The following LIPI variants were observed in gnomAD, a reference collection of about 807,000 sequenced individuals.
LIPI encodes lipase member I.
LIPI carries 59 observed loss-of-function variants against 50.6 expected under a neutral mutation model. That is an observed-to-expected ratio of 1.16 (90% CI 0.94 to 1.45). The LOEUF is 1.45. Ranked by LOEUF, LIPI falls within the 40% of genes most tolerant of loss-of-function variation. The pLI is 0.00. For synonymous variants in LIPI, 203 were observed against 178.2 expected, an observed-to-expected ratio of 1.14 and a Z score of -1.11; for missense variants, 586 against 536.3, an observed-to-expected ratio of 1.09 and a Z score of -0.92.
At chr21:14,152,488 C>T in intron 8 of LIPI, 85 bp downstream of exon 8, 2 of 687,726 alleles carry the variant, frequency 2.9e-6, no homozygotes, top group Admixed American at 2.6e-5. Flanking sequence ...AAATAAACTA[C>T]ACTATTTAAA....
chr21:14,146,272 A>G (rs1446405001), intron 8 of LIPI, among the ~76,000 whole-genome samples: 1 of 151,436 alleles, frequency 6.6e-6, no homozygotes, highest in Admixed American at 6.6e-5. Flanking sequence ...ATCTTCTCCA[A>G]CACTTTCTCC....
At chr21:14,167,301 A>C (rs2018724706) in intron 4 of LIPI, among the ~76,000 whole-genome samples, 1 of 152,158 alleles carries the variant, frequency 6.6e-6, no homozygotes, top group African/African-American at 2.4e-5. Context: ...GACAAACAAA[A>C]AGACAGCAGT....
chr21:14,118,237 CATT>C (rs910438762), intron 9 of LIPI, among the ~76,000 whole-genome samples: 1 of 152,060 alleles, frequency 6.6e-6, no homozygotes, highest in African/African-American at 2.4e-5. Flanking sequence ...GGCTCCATCT[CATT>C]AGGCCCCAAG....
At chr21:14,120,815 A>C (rs980750650) in intron 9 of LIPI, among the ~76,000 whole-genome samples, 2 of 148,270 alleles carry the variant, frequency 1.3e-5, no homozygotes, top group African/African-American at 4.9e-5. Flanking sequence ...CAGTTTCACC[A>C]AGGAACACAC....
At chr21:14,157,827 T>A (rs1345670639) in intron 7 of LIPI, among the ~76,000 whole-genome samples, 2 of 151,882 alleles carry the variant, frequency 1.3e-5, no homozygotes, top group South Asian at 4.1e-4. Context: ...TTGCATGGAG[T>A]GTTGACTCTA....
In LIPI at chr21:14,152,674, A is replaced by T; in HGVS notation, c.1017T>A (p.Phe339Leu). ...SGTYPFCTYYFVLSIIVPDKT... is the reference protein window; with the variant it reads ...SGTYPFCTYYLVLSIIVPDKT... ...TATCTGGAACAATTATACTGAGAACAAAATAATAGGCTACAAAATAAAAAT... is the reference window on the plus strand; with the variant it reads ...TATCTGGAACAATTATACTGAGAACTAAATAATAGGCTACAAAATAAAAAT... The change falls in exon 8 of 10, where the codon TTT (phenylalanine) becomes TTA (leucine). Residue 339 changes from phenylalanine to leucine, a missense_variant. By Grantham distance (22) the Phe-to-Leu change is conservative. Transcript: ENST00000681601. 1 of 1,455,510 alleles carries T rather than the reference A, an allele frequency of 6.9e-7. No homozygotes were observed. Among genetic ancestry groups the T allele is most frequent in the Non-Finnish European group, 9.6e-7 (1 of 1,040,682 alleles). 90.2% of individuals were successfully genotyped at this position (1,455,510 alleles called of 1,614,324 possible). A position where few individuals can be genotyped will look rare whatever the true frequency, so the allele number is the denominator to read the frequency against.
chr21:14,156,194 G>C (rs2018264776), intron 7 of LIPI, among the ~76,000 whole-genome samples: 1 of 151,788 alleles, frequency 6.6e-6, no homozygotes, highest in African/African-American at 2.4e-5. Context: ...ATATAGCAAA[G>C]GATAATTAAG....
chr21:14,169,017 G>T (rs1362271261), intron 4 of LIPI, among the ~76,000 whole-genome samples: 3 of 151,774 alleles, frequency 2.0e-5, no homozygotes, highest in Non-Finnish European at 2.9e-5. Context: ...GATGGAGGAA[G>T]ATCTACCAAG....
rs567978642 is a variant in LIPI at position 14,139,675 on chromosome 21, G to A, written c.1295+4948C>T. Among the ~76,000 whole-genome samples, 6 of 152,234 alleles carry A rather than the reference G, an allele frequency of 3.9e-5. No homozygotes were observed. The South Asian group carries it at 1.2e-3, about 32-fold the overall frequency. On this transcript the variant is annotated intron_variant, in intron 9 of 9. Coordinates refer to ENST00000681601, the MANE Select transcript of LIPI (RefSeq NM_001302998.2). ...CCTACGAGAACAACAAAAAATTCCA[G>A]GTAAGAGGATTGATAGTGGAAGAGC...
At chr21:14,149,567 G>T (rs9976076) in intron 8 of LIPI, among the ~76,000 whole-genome samples, 3,186 of 152,170 alleles carry the variant, frequency 0.021, 116 homozygotes, top group African/African-American at 0.072. Context: ...TTGAGACAAG[G>T]TTAGTCCCTT....
At chr21:14,130,120 C>T (rs2017231050) in intron 9 of LIPI, among the ~76,000 whole-genome samples, 1 of 152,184 alleles carries the variant, frequency 6.6e-6, no homozygotes, top group East Asian at 1.9e-4. Flanking sequence ...AGACACTCTT[C>T]AGAGTTCTAG....
In LIPI at chr21:14,160,056, G is replaced by A. The variant is rs79225078; in HGVS notation, c.1006+3363C>T. On this transcript the variant is annotated intron_variant, in intron 7 of 9. Coordinates refer to ENST00000681601, the MANE Select transcript of LIPI (RefSeq NM_001302998.2). ...CATGGTAAAGACATCAGCTCTCCCC[G>A]AATTGAAAGATGTGGTTAATGTAAT... 8.3e-3 allele frequency among the ~76,000 whole-genome samples: 1,260 copies of A among 151,366 alleles called. 12 individuals are homozygous for A. The highest frequency in any genetic ancestry group is 0.028 in the African/African-American group (1,166 of 41,444).
chr21:14,140,024 A>T (rs1446568679), intron 9 of LIPI, among the ~76,000 whole-genome samples: 1 of 152,156 alleles, frequency 6.6e-6, no homozygotes, highest in East Asian at 1.9e-4. Context: ...TTTTATATGA[A>T]GTGTGAAGGC....
intron 1 of LIPI, among the ~76,000 whole-genome samples, chr21:14,198,193 A>G (rs1395904826): frequency 1.3e-5 from 2 of 152,174 alleles, no homozygotes; most frequent in East Asian, 3.8e-4. Flanking sequence ...CAGTGACACT[A>G]TAAAGCAACC....
chr21:14,132,476 G>C (rs553184926), intron 9 of LIPI, among the ~76,000 whole-genome samples: 1 of 152,210 alleles, frequency 6.6e-6, no homozygotes, highest in African/African-American at 2.4e-5. Context: ...TCCAGAATAA[G>C]CTGCATAAAT....
Position 14,166,476 on chromosome 21 carries a change from C to T in LIPI, c.644-25G>A, listed in dbSNP as rs985540292. 155 of 1,203,390 alleles carry T rather than the reference C, an allele frequency of 1.3e-4. 1 individual carries two copies. The highest frequency in any genetic ancestry group is 1.3e-4 in the Non-Finnish European group (101 of 805,802). The allele number at this position is 1,203,390 out of a possible 1,614,324, so 74.5% of individuals were successfully genotyped here. ...CCTGAGAAGAAAGGCACCCAAGAAT[C>T]ACAACATGTATATAATCAGGTGAGT... On this transcript the variant is annotated intron_variant, in intron 4 of 9. Coordinates refer to ENST00000681601, the MANE Select transcript of LIPI (RefSeq NM_001302998.2).
chr21:14,168,823 C>G (rs1009452236), intron 4 of LIPI, among the ~76,000 whole-genome samples: 4 of 152,086 alleles, frequency 2.6e-5, no homozygotes, highest in Non-Finnish European at 4.4e-5. Context: ...AGCAAAATAA[C>G]CAGCTAACAT....
intron 9 of LIPI, among the ~76,000 whole-genome samples, chr21:14,117,766 C>T (rs1000109734): frequency 3.3e-5 from 5 of 152,042 alleles, no homozygotes; most frequent in Non-Finnish European, 7.4e-5. Context: ...GTTGCAGAGG[C>T]TGGAGGGGTT....
intron 1 of LIPI, among the ~76,000 whole-genome samples, chr21:14,192,649 T>A (rs887360585): frequency 1.3e-5 from 2 of 152,204 alleles, no homozygotes; most frequent in African/African-American, 4.8e-5. Flanking sequence ...GATGAGATTA[T>A]AAGTGGACTC....
Sources: gnomAD v4.1 joint callset for allele counts (sites outside exome capture counted in the v4.1 genomes callset) on GRCh38, gnomAD v4.1.1 for gene constraint, MANE v1.5 for transcripts, NCBI Gene and HGNC (gene_info 2026-07-23, HGNC 2026-07-21) for gene names.